CLIP2: variants seen among roughly 807,000 people sequenced by gnomAD.
CLIP2 encodes the protein CAP-Gly domain-containing linker protein 2.
Under a neutral mutation model 111.7 loss-of-function variants are expected in CLIP2, and 41 were observed. The observed-to-expected ratio is 0.37, with a 90% CI of 0.29 to 0.48. The LOEUF is 0.48. Ranked by LOEUF, CLIP2 falls within the 20% of genes least tolerant of loss-of-function variation. The pLI is 0.99. For synonymous variants in CLIP2, 660 were observed against 644.2 expected, an observed-to-expected ratio of 1.02 and a Z score of -0.37; for missense variants, 1,160 against 1,422.1, an observed-to-expected ratio of 0.82 and a Z score of 2.96.
intron 7 of CLIP2, 21 bp downstream of exon 7, chr7:74,360,299 G>A (rs138726469): frequency 5.9e-5 from 91 of 1,548,962 alleles, no homozygotes; most frequent in Middle Eastern, 5.1e-4. Flanking sequence ...GCCCACCCTC[G>A]CCCTGGCCCT....
chr7:74,354,136 T>C, intron 4 of CLIP2, 132 bp downstream of exon 4: 1 of 1,104,846 alleles, frequency 9.1e-7, no homozygotes, highest in Non-Finnish European at 1.3e-6. Context: ...TCCTTTCCCA[T>C]TCCCTCCTTC....
chr7:74,374,729 C>G (rs1470257982), intron 9 of CLIP2, among the ~76,000 whole-genome samples: 2 of 151,810 alleles, frequency 1.3e-5, no homozygotes, highest in African/African-American at 4.8e-5. Context: ...TCGAAAAAAA[C>G]AAAAACCAAA....
At chr7:74,310,471 C>T (rs950230685) in intron 1 of CLIP2, among the ~76,000 whole-genome samples, 1 of 151,832 alleles carries the variant, frequency 6.6e-6, no homozygotes, top group Non-Finnish European at 1.5e-5. Context: ...TGCAGTGAAC[C>T]ATGATTGCAC....
At chr7:74,381,080 T>C in intron 11 of CLIP2, 1 of 404,798 alleles carries the variant, frequency 2.5e-6, no homozygotes, top group East Asian at 3.7e-5. Context: ...TTTTTTCTTT[T>C]TCTTTTGAAA....
At chr7:74,307,693 C>T (rs1278638091) in intron 1 of CLIP2, among the ~76,000 whole-genome samples, 2 of 152,012 alleles carry the variant, frequency 1.3e-5, no homozygotes, top group African/African-American at 2.4e-5. Context: ...GGGTTTCACT[C>T]TGTTGGCCAG....
At chr7:74,369,336 G>T (rs1790542584) in intron 8 of CLIP2, among the ~76,000 whole-genome samples, 1 of 152,142 alleles carries the variant, frequency 6.6e-6, no homozygotes, top group Non-Finnish European at 1.5e-5. Flanking sequence ...GGGCAACAGA[G>T]TGAGACTCTG....
intron 2 of CLIP2, among the ~76,000 whole-genome samples, chr7:74,323,857 TG>T (rs1180742242): frequency 2.6e-5 from 4 of 152,222 alleles, no homozygotes; most frequent in African/African-American, 9.6e-5. Context: ...TATAGGTTTG[TG>T]TAAGTACACT....
intron 2 of CLIP2, among the ~76,000 whole-genome samples, chr7:74,326,247 T>G (rs1256356961): frequency 1.3e-5 from 2 of 152,036 alleles, no homozygotes; most frequent in East Asian, 1.9e-4. Context: ...CTCATAAAAA[T>G]AAAGATGAGA....
At chr7:74,344,489 C>T (rs1202768592) in intron 3 of CLIP2, among the ~76,000 whole-genome samples, 1 of 152,130 alleles carries the variant, frequency 6.6e-6, no homozygotes, top group Non-Finnish European at 1.5e-5. Context: ...TCAAGCGATC[C>T]TCCTGCCTCA....
chr7:74,362,346 T>C (rs543982353), intron 7 of CLIP2, among the ~76,000 whole-genome samples: 5 of 152,106 alleles, frequency 3.3e-5, no homozygotes, highest in African/African-American at 1.2e-4. Flanking sequence ...ACACCCCCAC[T>C]TGGGTCTGTT....
chr7:74,379,418 C>G (rs1790881467), intron 10 of CLIP2, among the ~76,000 whole-genome samples: 1 of 151,972 alleles, frequency 6.6e-6, no homozygotes, highest in Non-Finnish European at 1.5e-5. Flanking sequence ...AGGTTTAGGC[C>G]TAAGCACAAC....
At chr7:74,394,450 A>C (rs1378630881) in intron 13 of CLIP2, among the ~76,000 whole-genome samples, 7 of 151,896 alleles carry the variant, frequency 4.6e-5, no homozygotes, top group African/African-American at 1.7e-4. Flanking sequence ...GGGTTTCTCC[A>C]TGTTGGTCAG....
At chr7:74,358,771 A>G (rs893302441) in intron 6 of CLIP2, among the ~76,000 whole-genome samples, 4 of 148,938 alleles carry the variant, frequency 2.7e-5, no homozygotes, top group Non-Finnish European at 4.5e-5. Context: ...GAGTCTTGCT[A>G]TGTTGCCCAG....
intron 3 of CLIP2, among the ~76,000 whole-genome samples, chr7:74,347,469 T>C (rs369900482): frequency 1.6e-4 from 25 of 152,130 alleles, no homozygotes; most frequent in East Asian, 1.6e-3. Context: ...GGGGTTTCAC[T>C]GTGTTGGCCA....
chr7:74,398,442 C>T (rs182780224), intron 14 of CLIP2, among the ~76,000 whole-genome samples: 6 of 152,310 alleles, frequency 3.9e-5, no homozygotes, highest in Non-Finnish European at 8.8e-5. Flanking sequence ...GCCTGGTGAA[C>T]GTCACGATAT....
At chr7:74,336,851 GTTTTTTTTGTTTTTTTTTTTTTTGT>G (rs1789479113) in intron 2 of CLIP2, among the ~76,000 whole-genome samples, 1 of 21,606 alleles carries the variant, frequency 4.6e-5, no homozygotes, top group Admixed American at 5.4e-4. Flanking sequence ...ATGGTTGTTT[GTTTTTTTTGTTTTTTTTTTTTTTGT>G]TTTTTTTTGT....
intron 4 of CLIP2, 152 bp from the exon 5 acceptor site, chr7:74,356,258 G>A (rs1013720321): frequency 2.9e-6 from 2 of 678,808 alleles, no homozygotes; most frequent in Non-Finnish European, 5.3e-6. Context: ...CTCTCCACCT[G>A]GAAGATTTCC....
At position 74,376,954 on chromosome 7, in the gene CLIP2, G is replaced by A; in HGVS notation, c.2421+132G>A. On this transcript the variant is annotated intron_variant, in intron 10 of 16. Coordinates refer to ENST00000223398, the MANE Select transcript of CLIP2 (RefSeq NM_003388.5). This position sits in a 1 kb window ranked among gnomAD's most constrained non-coding sequence, Gnocchi z 7.1. ...GAGCATGCCTGGGGCAGTCAAGGAA[G>A]GGGTCACCTGGCTTAGAGGAGGAGG... is the stretch of plus-strand genomic sequence containing the variant. The A allele has an allele frequency of 1.1e-6, 1 of 903,874 alleles. No homozygotes were observed. 56.0% of individuals were successfully genotyped at this position (903,874 alleles called of 1,614,324 possible).
At chr7:74,310,020 C>A (rs1296869496) in intron 1 of CLIP2, among the ~76,000 whole-genome samples, 2 of 90,668 alleles carry the variant, frequency 2.2e-5, no homozygotes, top group East Asian at 6.5e-4. Context: ...GGCAATATGG[C>A]AAGACCCTGT....
Sources: allele counts gnomAD v4.1 joint callset (sites outside exome capture counted in the v4.1 genomes callset), GRCh38; gene constraint gnomAD v4.1.1; non-coding constraint Gnocchi (gnomAD v3.1); transcripts MANE v1.5; gene names NCBI Gene and HGNC (gene_info 2026-07-23, HGNC 2026-07-21).